The following DPP10 variants were observed in gnomAD, a reference collection of about 807,000 sequenced individuals.
The protein encoded by DPP10 is inactive dipeptidyl peptidase 10.
A neutral mutation model predicts 120.9 loss-of-function variants in DPP10; 33 were observed. The observed-to-expected ratio is 0.27, with a 90% CI of 0.21 to 0.37. The LOEUF is 0.37. Among genes scored for constraint, DPP10 ranks in the 10% least tolerant of loss-of-function variants. DPP10 has a pLI of 1.00. For missense variants in DPP10, 816 were observed against 942.8 expected, an observed-to-expected ratio of 0.87 and a Z score of 1.76; for synonymous variants, 337 against 326.1, an observed-to-expected ratio of 1.03 and a Z score of -0.36.
chr2:115,424,661 A>C (rs1281557502), intron 3 of DPP10, among the ~76,000 whole-genome samples: 1 of 152,032 alleles, frequency 6.6e-6, no homozygotes, highest in Non-Finnish European at 1.5e-5. Context: ...GATAAGGATA[A>C]ATATAAATTA....
chr2:115,038,662 A>G (rs2105286143), intron 1 of DPP10, among the ~76,000 whole-genome samples: 1 of 152,236 alleles, frequency 6.6e-6, no homozygotes, highest in South Asian at 2.1e-4. Flanking sequence ...TTTACTAACC[A>G]CTTTTACTAC....
chr2:115,648,949 C>G (rs940205026), intron 5 of DPP10, among the ~76,000 whole-genome samples: 1 of 152,028 alleles, frequency 6.6e-6, no homozygotes, highest in Non-Finnish European at 1.5e-5. Flanking sequence ...GAAAGCAAAG[C>G]AGTAATAAAG....
intron 1 of DPP10, among the ~76,000 whole-genome samples, chr2:114,897,995 T>G (rs1693185125): frequency 6.6e-6 from 1 of 152,224 alleles, no homozygotes; most frequent in Non-Finnish European, 1.5e-5. Flanking sequence ...ATTCCGTTAC[T>G]GGGTGTATAC....
intron 1 of DPP10, among the ~76,000 whole-genome samples, chr2:115,168,057 G>A (rs2053037807): frequency 6.6e-6 from 1 of 152,130 alleles, no homozygotes; most frequent in Non-Finnish European, 1.5e-5. Context: ...CAATGTAGCA[G>A]GAGAGTGTGC....
chr2:115,692,513 T>C (rs1457290395), intron 7 of DPP10, among the ~76,000 whole-genome samples: 1 of 152,086 alleles, frequency 6.6e-6, no homozygotes, highest in Non-Finnish European at 1.5e-5. Flanking sequence ...CATCTTTCTA[T>C]TGAATTCAAA....
At chr2:115,599,206 C>G (rs2083171470) in intron 5 of DPP10, among the ~76,000 whole-genome samples, 1 of 152,014 alleles carries the variant, frequency 6.6e-6, no homozygotes, top group African/African-American at 2.4e-5. Flanking sequence ...AATTTAACAT[C>G]TTGTTCATTT....
At chr2:114,501,075 G>A (rs890141946) in intron 1 of DPP10, among the ~76,000 whole-genome samples, 11 of 152,254 alleles carry the variant, frequency 7.2e-5, no homozygotes, top group African/African-American at 2.6e-4. Flanking sequence ...ATGACCCCAG[G>A]TCTCATAGCT....
At chr2:115,401,778 A>G (rs1249296964) in intron 3 of DPP10, among the ~76,000 whole-genome samples, 1 of 152,150 alleles carries the variant, frequency 6.6e-6, no homozygotes. Context: ...CTAATATATT[A>G]AATTTTCAAC....
intron 1 of DPP10, among the ~76,000 whole-genome samples, chr2:114,749,425 C>T (rs902540046): frequency 3.9e-5 from 6 of 152,184 alleles, no homozygotes; most frequent in Non-Finnish European, 7.4e-5. Context: ...TTTTCACCAG[C>T]ACCTTTCTTG....
At chr2:115,415,279 G>C (rs1226850375) in intron 3 of DPP10, among the ~76,000 whole-genome samples, 1 of 151,958 alleles carries the variant, frequency 6.6e-6, no homozygotes, top group East Asian at 1.9e-4. Context: ...TTTGGTTTTG[G>C]TGCCTGCCTA....
chr2:115,220,084 T>C (rs2057057610), intron 1 of DPP10, among the ~76,000 whole-genome samples: 1 of 152,142 alleles, frequency 6.6e-6, no homozygotes, highest in Non-Finnish European at 1.5e-5. Context: ...TCATAAAAAA[T>C]AAAATTCTTA....
chr2:115,575,540 G>A (rs2081602263), intron 5 of DPP10, among the ~76,000 whole-genome samples: 1 of 152,180 alleles, frequency 6.6e-6, no homozygotes, highest in Non-Finnish European at 1.5e-5. Context: ...TTCTCAGGAG[G>A]TGCTAGCTCT....
At chr2:114,769,182 G>A (rs968015751) in intron 1 of DPP10, among the ~76,000 whole-genome samples, 2 of 152,182 alleles carry the variant, frequency 1.3e-5, no homozygotes, top group African/African-American at 4.8e-5. Context: ...AGGCACAGTG[G>A]TGTGGCCGAT....
chr2:115,608,993 C>T (rs550915426), intron 5 of DPP10, among the ~76,000 whole-genome samples: 9 of 150,356 alleles, frequency 6.0e-5, no homozygotes, highest in Admixed American at 4.6e-4. Context: ...AAGAAAGAAC[C>T]GAGAAAATGG....
chr2:115,022,724 G>A (rs1703163622), intron 1 of DPP10, among the ~76,000 whole-genome samples: 2 of 152,104 alleles, frequency 1.3e-5, no homozygotes, highest in Non-Finnish European at 2.9e-5. Flanking sequence ...CAAATCTGGA[G>A]GGATCACATT....
chr2:115,589,296 T>G (rs2082479115), intron 5 of DPP10, among the ~76,000 whole-genome samples: 1 of 152,186 alleles, frequency 6.6e-6, no homozygotes, highest in African/African-American at 2.4e-5. Flanking sequence ...GCATTTTTAT[T>G]TTATCAATAC....
At chr2:115,501,074 G>A (rs557958770) in intron 4 of DPP10, among the ~76,000 whole-genome samples, 1 of 151,954 alleles carries the variant, frequency 6.6e-6, no homozygotes, top group East Asian at 1.9e-4. Context: ...AACAAAAATT[G>A]AGTGCATTTT....
chr2:115,703,489 G>C (rs1455709818), intron 7 of DPP10, among the ~76,000 whole-genome samples: 1 of 152,008 alleles, frequency 6.6e-6, no homozygotes, highest in Admixed American at 6.6e-5. Flanking sequence ...AGACCAGCAG[G>C]CTGGACAAGT....
chr2:115,349,518 A>G (rs1489233302), intron 3 of DPP10, among the ~76,000 whole-genome samples: 1 of 152,074 alleles, frequency 6.6e-6, no homozygotes, highest in Admixed American at 6.6e-5. Flanking sequence ...TGGATCTTCA[A>G]ATGGTAGCGA....
Sources: allele counts gnomAD v4.1 joint callset (sites outside exome capture counted in the v4.1 genomes callset), GRCh38; gene constraint gnomAD v4.1.1; transcripts MANE v1.5; gene names NCBI Gene and HGNC (gene_info 2026-07-23, HGNC 2026-07-21).